Variants in DNAJC11 observed in about 807,000 individuals in gnomAD.
DNAJC11 encodes DnaJ heat shock protein family (Hsp40) member C11.
In DNAJC11, 15 loss-of-function variants were observed where a neutral mutation model predicts 78.6. The ratio of observed to expected loss-of-function variants is 0.19; its 90% CI spans 0.13 to 0.29. The LOEUF (loss-of-function observed/expected upper bound fraction) is 0.29. DNAJC11 is among the 10% of genes least tolerant of loss of function. The pLI, the probability that DNAJC11 is intolerant of heterozygous loss-of-function variation, is 1.00. For synonymous variants in DNAJC11, 292 were observed against 272.1 expected (o/e 1.07, Z -0.72); for missense variants, 547 against 709.6 (o/e 0.77, Z 2.60).
At chr1:6,679,299 CCTCT>C (rs1214142407) in intron 2 of DNAJC11, among the ~76,000 whole-genome samples, 1 of 152,178 alleles carries the variant, frequency 6.6e-6, no homozygotes, top group Non-Finnish European at 1.5e-5. Flanking sequence ...GTGCACTTCT[CCTCT>C]CTATTTGTAA....
intron 1 of DNAJC11, among the ~76,000 whole-genome samples, chr1:6,694,714 G>A (rs1016897424): frequency 4.6e-5 from 7 of 151,116 alleles, no homozygotes; most frequent in African/African-American, 1.5e-4. Context: ...ACCTATAATC[G>A]CAGCACTTTG....
At chr1:6,681,602 A>C (rs1287155411) in intron 1 of DNAJC11, among the ~76,000 whole-genome samples, 1 of 152,108 alleles carries the variant, frequency 6.6e-6, no homozygotes, top group African/African-American at 2.4e-5. Flanking sequence ...CAAAACCCCC[A>C]GACCCCCTAA....
At chr1:6,672,109 A>G (rs898449940) in intron 3 of DNAJC11, among the ~76,000 whole-genome samples, 1 of 152,210 alleles carries the variant, frequency 6.6e-6, no homozygotes, top group Non-Finnish European at 1.5e-5. Context: ...TGTTGGGATT[A>G]CAGGTGTGAG....
intron 1 of DNAJC11, among the ~76,000 whole-genome samples, chr1:6,691,412 C>T (rs1212858547): frequency 6.6e-6 from 1 of 152,088 alleles, no homozygotes; most frequent in Non-Finnish European, 1.5e-5. Flanking sequence ...TGGTCATGTT[C>T]ATATATATAT....
chr1:6,685,047 A>ATCC (rs1243521022), intron 1 of DNAJC11, among the ~76,000 whole-genome samples: 6 of 152,208 alleles, frequency 3.9e-5, no homozygotes, highest in Non-Finnish European at 7.3e-5. Context: ...CCAAGGTGGG[A>ATCC]GGATCGCTTG....
intron 3 of DNAJC11, among the ~76,000 whole-genome samples, chr1:6,669,280 C>T (rs527374095): frequency 3.3e-5 from 5 of 151,816 alleles, no homozygotes; most frequent in Admixed American, 6.6e-5. Context: ...GAGGCCGAGG[C>T]GGGTGGATCA....
intron 10 of DNAJC11, among the ~76,000 whole-genome samples, chr1:6,643,153 C>T (rs1468185550): frequency 2.0e-5 from 3 of 152,098 alleles, no homozygotes; most frequent in African/African-American, 7.2e-5. Context: ...TGATCTGCCA[C>T]AGGAGGGAGG....
chr1:6,673,504 T>G (rs950770270), intron 3 of DNAJC11, among the ~76,000 whole-genome samples: 1 of 152,198 alleles, frequency 6.6e-6, no homozygotes, highest in Admixed American at 6.5e-5. Context: ...TTCTAGCTAG[T>G]AAACTTTTTC....
At chr1:6,647,885 T>C (rs150946937) in intron 7 of DNAJC11, among the ~76,000 whole-genome samples, 208 of 152,274 alleles carry the variant, frequency 1.4e-3, no homozygotes, top group Non-Finnish European at 2.7e-3. Context: ...TGTTTATAAA[T>C]CAGTTGTCCT....
At chr1:6,643,337 G>A (rs1034847608) in intron 10 of DNAJC11, among the ~76,000 whole-genome samples, 40 of 149,742 alleles carry the variant, frequency 2.7e-4, no homozygotes, top group African/African-American at 8.6e-4. Context: ...GTGCAGTGGC[G>A]CCATCTCGAC....
At chr1:6,685,201 T>C (rs1557486948) in intron 1 of DNAJC11, among the ~76,000 whole-genome samples, 2 of 152,258 alleles carry the variant, frequency 1.3e-5, no homozygotes, top group African/African-American at 4.8e-5. Context: ...AATATGTCTG[T>C]ACCACGATTG....
chr1:6,639,842 A>G (rs1460728028), intron 11 of DNAJC11, 60 bp downstream of exon 11: 55 of 1,555,250 alleles, frequency 3.5e-5, no homozygotes, highest in Non-Finnish European at 1.7e-5. Flanking sequence ...CTCCATTTTA[A>G]GGGTGAGGAA....
rs1043683 is a variant in DNAJC11 at position 6,634,920 on chromosome 1, G to A, written c.*755C>T. 0.68 allele frequency: 796,716 copies of A among 1,164,078 alleles called. 273,485 individuals are homozygous for A. The highest frequency in any genetic ancestry group is 0.79 in the Middle Eastern group (1,986 of 2,516). 72.1% of individuals were successfully genotyped at this position (1,164,078 alleles called of 1,614,324 possible). A position where few individuals can be genotyped will look rare whatever the true frequency, so the allele number is the denominator to read the frequency against. On this transcript the variant is annotated 3_prime_UTR_variant, in exon 16 of 16. Coordinates refer to ENST00000377577, the MANE Select transcript of DNAJC11 (RefSeq NM_018198.4). ...CACTCTGGAGGTGGGTGGTGCAGGCGGTGGAGGGACACAGGCCAGCTCAAG... is the reference window on the plus strand; with the variant it reads ...CACTCTGGAGGTGGGTGGTGCAGGCAGTGGAGGGACACAGGCCAGCTCAAG...
At chr1:6,651,164 A>C (rs1291054921) in intron 7 of DNAJC11, 2 of 549,450 alleles carry the variant, frequency 3.6e-6, no homozygotes, top group Admixed American at 3.8e-5. Flanking sequence ...CCCGATGATG[A>C]GGCAGTCTGT....
intron 4 of DNAJC11, among the ~76,000 whole-genome samples, chr1:6,657,137 C>A (rs890434324): frequency 1.3e-5 from 2 of 152,184 alleles, no homozygotes; most frequent in African/African-American, 4.8e-5. Flanking sequence ...AAAAGCAACT[C>A]TCAGACTTGC....
Position 6,667,739 on chromosome 1 carries a change from C to T in DNAJC11, c.348G>A (p.Glu116=). ...GATTGGTTCGCTGCTGCAATCTCCT[C>T]TCTTCTCTCTCTCTCTGCAGCCGCT... is the stretch of plus-strand genomic sequence containing the variant. ...EFERLQRERE[E]RRLQQRTNPK... is the part of the protein sequence containing the mutation. The change falls in exon 4 of 16, where the codon GAG becomes GAA. Residue 116 remains glutamate, a synonymous_variant. Coordinates refer to ENST00000377577, the MANE Select transcript of DNAJC11 (RefSeq NM_018198.4). The T allele has an allele frequency of 6.2e-7, 1 of 1,614,172 alleles. No homozygotes were observed. The highest frequency in any genetic ancestry group is 8.5e-7 in the Non-Finnish European group (1 of 1,180,032).
chr1:6,662,028 T>G (rs113119741), intron 4 of DNAJC11, among the ~76,000 whole-genome samples: 1 of 152,114 alleles, frequency 6.6e-6, no homozygotes, highest in Admixed American at 6.6e-5. Flanking sequence ...CCTGGCTTAC[T>G]GCAACCTCCA....
rs949927083 is a variant in DNAJC11, at chr1:6,634,299, A to G, written c.*1376T>C. ...GAAGCCCGGGGCCCAGGCTCATGCA[A>G]CACGACGCTCACCGCGGCTCGGGCC... On this transcript the variant is annotated 3_prime_UTR_variant, in exon 16 of 16. Coordinates refer to ENST00000377577, the MANE Select transcript of DNAJC11 (RefSeq NM_018198.4). The G allele has an allele frequency of 2.2e-6, 2 of 923,810 alleles. No individual in the cohort carries two copies. Among genetic ancestry groups the G allele is most frequent in the South Asian group, 1.8e-5 (1 of 56,852 alleles). The allele number at this position is 923,810 out of a possible 1,614,324, so 57.2% of individuals were successfully genotyped here.
chr1:6,669,594 T>A (rs1257419644), intron 3 of DNAJC11, among the ~76,000 whole-genome samples: 1 of 150,734 alleles, frequency 6.6e-6, no homozygotes, highest in East Asian at 1.9e-4. Flanking sequence ...TCAATTCCAG[T>A]TCAGCCCTTC....
Sources: allele counts gnomAD v4.1 joint callset (sites outside exome capture counted in the v4.1 genomes callset), GRCh38; gene constraint gnomAD v4.1.1; transcripts MANE v1.5; gene names NCBI Gene and HGNC (gene_info 2026-07-23, HGNC 2026-07-21).